Variants in MGAT5 observed in about 807,000 individuals in gnomAD.
MGAT5 encodes alpha-1,6-mannosylglycoprotein 6-beta-N-acetylglucosaminyltransferase.
A neutral mutation model predicts 94.3 loss-of-function variants in MGAT5; 30 were observed. The ratio of observed to expected loss-of-function variants is 0.32; its 90% CI spans 0.24 to 0.43. MGAT5 has a LOEUF of 0.43. Among genes scored for constraint, MGAT5 ranks in the 20% least tolerant of loss-of-function variants. MGAT5 has a pLI of 1.00. For synonymous variants in MGAT5, 310 were observed against 322.9 expected (o/e 0.96, Z 0.43); for missense variants, 691 against 905.5 (o/e 0.76, Z 3.04).
At chr2:134,247,325 A>G (rs1260723417) in intron 1 of MGAT5, among the ~76,000 whole-genome samples, 2 of 150,550 alleles carry the variant, frequency 1.3e-5, no homozygotes, top group Admixed American at 1.3e-4. Context: ...TTTTTGTCAT[A>G]CAATTTCATG....
chr2:134,315,960 T>TTC, intron 2 of MGAT5, among the ~76,000 whole-genome samples: 1 of 152,188 alleles, frequency 6.6e-6, no homozygotes, highest in Admixed American at 6.5e-5. Context: ...TAGCACTAAC[T>TTC]TCTGTCTCAG....
At chr2:134,264,583 C>T (rs1184692967) in intron 1 of MGAT5, among the ~76,000 whole-genome samples, 1 of 152,110 alleles carries the variant, frequency 6.6e-6, no homozygotes, top group Admixed American at 6.5e-5. Flanking sequence ...ATAAATAACA[C>T]TGCTTTGAAT....
rs66689362 is a variant in MGAT5, at chr2:134,176,572, T to TAAAA, written c.-143+56301_-143+56304dup. Among the ~76,000 whole-genome samples, 41 of 83,298 alleles carry TAAAA rather than the reference T, an allele frequency of 4.9e-4. 1 individual carries two copies. The highest frequency in any genetic ancestry group is 9.7e-4 in the African/African-American group (18 of 18,554). 54.6% of individuals were successfully genotyped at this position (83,298 alleles called of 152,430 possible). A position where few individuals can be genotyped will look rare whatever the true frequency, so the allele number is the denominator to read the frequency against. On this transcript the variant is annotated intron_variant, in intron 1 of 16. Coordinates refer to the MGAT5 transcript ENST00000409645. ...TGGGTGACAGAGGGAGACTCTGTCT[T>TAAAA]AAAAAAAAAAAAAAAAAAAAAAATT...
intron 4 of MGAT5, among the ~76,000 whole-genome samples, chr2:134,326,328 A>G (rs971681487): frequency 6.6e-6 from 1 of 151,976 alleles, no homozygotes; most frequent in Non-Finnish European, 1.5e-5. Flanking sequence ...AATCCATTGC[A>G]GTTATTTTCT....
At chr2:134,182,175 A>G (rs1185857219) in intron 1 of MGAT5, among the ~76,000 whole-genome samples, 1 of 152,242 alleles carries the variant, frequency 6.6e-6, no homozygotes, top group East Asian at 1.9e-4. Flanking sequence ...AAACTAAAGA[A>G]TGATTCAAAA....
intron 1 of MGAT5, among the ~76,000 whole-genome samples, chr2:134,165,848 C>T (rs1216496331): frequency 1.3e-5 from 2 of 152,162 alleles, no homozygotes; most frequent in Non-Finnish European, 2.9e-5. Flanking sequence ...ATATGGAAGA[C>T]TCCAGGCTTG....
At chr2:134,323,238 T>C (rs552193665) in intron 4 of MGAT5, among the ~76,000 whole-genome samples, 1 of 152,278 alleles carries the variant, frequency 6.6e-6, no homozygotes, top group South Asian at 2.1e-4. Flanking sequence ...GTTATATGTC[T>C]GACGCTGTAC....
At chr2:134,189,340 C>T (rs1438704857) in intron 1 of MGAT5, among the ~76,000 whole-genome samples, 1 of 152,160 alleles carries the variant, frequency 6.6e-6, no homozygotes, top group Non-Finnish European at 1.5e-5. Flanking sequence ...AATAAATACA[C>T]TCCTACTACA....
chr2:134,363,739 CT>C (rs1335554781), intron 10 of MGAT5, among the ~76,000 whole-genome samples: 2 of 152,206 alleles, frequency 1.3e-5, no homozygotes, highest in African/African-American at 4.8e-5. Context: ...TTATACCATA[CT>C]TTGTTGCCTC....
chr2:134,424,207 A>G (rs1480186788), intron 13 of MGAT5, among the ~76,000 whole-genome samples: 1 of 152,198 alleles, frequency 6.6e-6, no homozygotes, highest in African/African-American at 2.4e-5. Flanking sequence ...GGAAAGGCAT[A>G]TATCCTGGGA....
At chr2:134,319,685 A>G (rs1000314707) in intron 4 of MGAT5, 13 of 359,080 alleles carry the variant, frequency 3.6e-5, no homozygotes, top group African/African-American at 2.4e-4. Context: ...CAGGTCCTCT[A>G]TGCCATCAAC....
intron 9 of MGAT5, among the ~76,000 whole-genome samples, 153 bp downstream of exon 9, chr2:134,350,091 T>TTTTTTATTTTTGTTTTTG (rs142933335): frequency 6.6e-6 from 1 of 151,598 alleles, no homozygotes; most frequent in African/African-American, 2.4e-5. Flanking sequence ...CTGAATTTGT[T>TTTTTTATTTTTGTTTTTG]TTTTTGTTTT....
chr2:134,430,229 CTT>C (rs1379643153), intron 14 of MGAT5, among the ~76,000 whole-genome samples: 12 of 152,240 alleles, frequency 7.9e-5, no homozygotes, highest in African/African-American at 2.9e-4. Context: ...TCCACGTCCT[CTT>C]AGGGAAAATA....
chr2:134,447,931 C>T (rs927499661), intron 15 of MGAT5, among the ~76,000 whole-genome samples: 5 of 152,224 alleles, frequency 3.3e-5, no homozygotes, highest in African/African-American at 1.2e-4. Context: ...TCACCTTCCT[C>T]TAACTGGGGT....
intron 1 of MGAT5, among the ~76,000 whole-genome samples, chr2:134,186,358 A>G (rs1384552100): frequency 6.6e-6 from 1 of 152,076 alleles, no homozygotes; most frequent in Non-Finnish European, 1.5e-5. Context: ...TAGTCAAGGA[A>G]AAAGGAGCCC....
intron 2 of MGAT5, among the ~76,000 whole-genome samples, chr2:134,311,975 T>A: frequency 6.6e-6 from 1 of 152,138 alleles, no homozygotes; most frequent in East Asian, 1.9e-4. Flanking sequence ...CCAGGCCGGG[T>A]ACAGTGGCTT....
At chr2:134,156,247 T>C (rs1253001873) in intron 1 of MGAT5, among the ~76,000 whole-genome samples, 2 of 152,152 alleles carry the variant, frequency 1.3e-5, no homozygotes. Context: ...AGGTCACAGG[T>C]TCTCAAACCG....
intron 1 of MGAT5, among the ~76,000 whole-genome samples, chr2:134,237,518 C>A (rs901917687): frequency 6.6e-6 from 1 of 152,050 alleles, no homozygotes; most frequent in African/African-American, 2.4e-5. Context: ...TTCATAATAC[C>A]TACCTGGCTC....
At chr2:134,375,791 A>G (rs1263907221) in intron 10 of MGAT5, among the ~76,000 whole-genome samples, 1 of 151,914 alleles carries the variant, frequency 6.6e-6, no homozygotes, top group Non-Finnish European at 1.5e-5. Flanking sequence ...GGTTGGGGGG[A>G]TTTCATCTCA....
Sources: allele counts gnomAD v4.1 joint callset (sites outside exome capture counted in the v4.1 genomes callset), GRCh38; gene constraint gnomAD v4.1.1; transcripts MANE v1.5; gene names NCBI Gene and HGNC (gene_info 2026-07-23, HGNC 2026-07-21).